Variants in DNAH6 observed in about 807,000 individuals in gnomAD.
The protein encoded by DNAH6 is dynein axonemal heavy chain 6.
Under a neutral mutation model 491.4 loss-of-function variants are expected in DNAH6, and 340 were observed. The observed-to-expected ratio is 0.69, with a 90% CI of 0.63 to 0.76. DNAH6 has a LOEUF of 0.76. DNAH6 is among the 30% of genes least tolerant of loss of function. The pLI, the probability that DNAH6 is intolerant of heterozygous loss-of-function variation, is 0.00. For synonymous variants in DNAH6, 1,603 were observed against 1,686.1 expected (o/e 0.95, Z 1.21); for missense variants, 4,443 against 4,972.2 (o/e 0.89, Z 3.20).
At chr2:84,540,664 C>T (rs1034121276) in intron 4 of DNAH6, among the ~76,000 whole-genome samples, 2 of 151,978 alleles carry the variant, frequency 1.3e-5, no homozygotes, top group Admixed American at 1.3e-4. Flanking sequence ...CCACAAGGGC[C>T]CCAAAATTCT....
At chr2:84,485,825 A>G in the DNAH6 span, among the ~76,000 whole-genome samples, 1 of 150,896 alleles carries the variant, frequency 6.6e-6, no homozygotes, top group African/African-American at 2.4e-5. Flanking sequence ...ACACTAATAC[A>G]CCCCCAACCA....
rs367653119 is a variant in DNAH6, at chr2:84,554,398, T to A, written c.1602+1364T>A. 3.9e-5 allele frequency among the ~76,000 whole-genome samples: 6 copies of A among 152,022 alleles called. No homozygotes were observed. The East Asian group carries it at 1.2e-3, about 30-fold the overall frequency. Reference sequence around the variant, plus strand: ...TACACAGGGGCAGGAATTTTGGGGGTCATCTTAGAATTCTGCCTACTACAT... The same window carrying A: ...TACACAGGGGCAGGAATTTTGGGGGACATCTTAGAATTCTGCCTACTACAT... On this transcript the variant is annotated intron_variant, in intron 10 of 76. Coordinates refer to ENST00000389394, the MANE Select transcript of DNAH6 (RefSeq NM_001370.2).
chr2:84,510,071 A>G, the DNAH6 span, among the ~76,000 whole-genome samples: 27 of 152,228 alleles, frequency 1.8e-4, no homozygotes, highest in African/African-American at 6.5e-4. Flanking sequence ...GCTCTTCTCA[A>G]GGAGTATCTT....
At chr2:84,726,377 C>T (rs1216811672) in intron 60 of DNAH6, among the ~76,000 whole-genome samples, 2 of 152,200 alleles carry the variant, frequency 1.3e-5, no homozygotes, top group African/African-American at 4.8e-5. Context: ...CCCTGAGTCT[C>T]TGCTGCAAGA....
At chr2:84,535,308 G>T (rs1677580704) in intron 4 of DNAH6, among the ~76,000 whole-genome samples, 1 of 151,930 alleles carries the variant, frequency 6.6e-6, no homozygotes, top group Admixed American at 6.6e-5. Flanking sequence ...AGTCAAAAGA[G>T]ATGAGAAATT....
the DNAH6 span, among the ~76,000 whole-genome samples, chr2:84,493,527 G>A: frequency 0.014 from 2,108 of 152,072 alleles, 47 homozygotes; most frequent in African/African-American, 0.049. Flanking sequence ...TATAAAAGAG[G>A]AACTACCTTT....
intron 15 of DNAH6, 57 bp downstream of exon 15, chr2:84,584,307 T>C: frequency 6.5e-7 from 1 of 1,536,348 alleles, no homozygotes; most frequent in Non-Finnish European, 8.9e-7. Flanking sequence ...CTATTACATT[T>C]GTTTATTAAA....
rs182341947 is a variant in DNAH6, at chr2:84,698,802, G to A, written c.7678-792G>A. On this transcript the variant is annotated intron_variant, in intron 47 of 76. Transcript: ENST00000389394. ...GAACCAACTCAGGTGCCCATCAGTG[G>A]TGGATTAGATATAGAAAAAGTGGTA... Among the ~76,000 whole-genome samples, 5 of 152,278 alleles carry A rather than the reference G, an allele frequency of 3.3e-5. No individual in the cohort carries two copies. In the East Asian group the frequency reaches 9.6e-4, roughly 29 times the overall value.
chr2:84,636,015 A>C (rs1465834651), intron 30 of DNAH6, among the ~76,000 whole-genome samples: 3 of 152,054 alleles, frequency 2.0e-5, no homozygotes, highest in East Asian at 1.9e-4. Context: ...AGTCTTGTTA[A>C]TTTTATCTGC....
At chr2:84,544,192 G>T in intron 4 of DNAH6, 41 bp from the exon 5 acceptor site, 1 of 1,086,228 alleles carries the variant, frequency 9.2e-7, no homozygotes, top group South Asian at 2.2e-5. Context: ...ATTTTGTATT[G>T]AATACTTTAT....
At chr2:84,739,531 G>C (rs1036696879) in intron 62 of DNAH6, among the ~76,000 whole-genome samples, 1 of 152,164 alleles carries the variant, frequency 6.6e-6, no homozygotes, top group South Asian at 2.1e-4. Context: ...ATTTCTCAAA[G>C]GCTTTGTTCA....
intron 64 of DNAH6, among the ~76,000 whole-genome samples, chr2:84,770,752 G>A (rs1675522263): frequency 6.6e-6 from 1 of 152,026 alleles, no homozygotes; most frequent in African/African-American, 2.4e-5. Flanking sequence ...GGAGGCCAAG[G>A]TGGAAGGATC....
intron 30 of DNAH6, among the ~76,000 whole-genome samples, chr2:84,636,453 G>T (rs1688884186): frequency 6.6e-6 from 1 of 152,142 alleles, no homozygotes; most frequent in South Asian, 2.1e-4. Context: ...GCACTGTGTG[G>T]TCATGGTTTC....
At chr2:84,516,982 A>G (rs749009243) in intron 1 of DNAH6, among the ~76,000 whole-genome samples, 5 of 152,214 alleles carry the variant, frequency 3.3e-5, no homozygotes, top group Non-Finnish European at 7.3e-5. Context: ...TATGGTAAAT[A>G]AAACATATTA....
Position 84,644,867 on chromosome 2 carries a change from G to A in DNAH6, c.5078+2813G>A, listed in dbSNP as rs189381116. Among the ~76,000 whole-genome samples the A allele has an allele frequency of 3.6e-3, 541 of 152,148 alleles. 1 individual carries two copies. Among genetic ancestry groups the A allele is most frequent in the African/African-American group, 0.012 (488 of 41,516 alleles). On this transcript the variant is annotated intron_variant, in intron 33 of 76. Transcript: ENST00000389394. ...TGATGGGCTTTTAGGTTGGTTACAC[G>A]TCTTTGCTATTTTGAATAATACTGC...
chr2:84,551,032 C>G (rs757589366), intron 9 of DNAH6, among the ~76,000 whole-genome samples: 1 of 152,114 alleles, frequency 6.6e-6, no homozygotes, highest in Non-Finnish European at 1.5e-5. Flanking sequence ...TGCCCTAGCT[C>G]CATCCTTAGT....
At chr2:84,532,969 C>T (rs1477760565) in intron 4 of DNAH6, among the ~76,000 whole-genome samples, 1 of 152,124 alleles carries the variant, frequency 6.6e-6, no homozygotes, top group African/African-American at 2.4e-5. Flanking sequence ...ATGCAGATAT[C>T]AGTGTTTGCT....
chr2:84,650,756 C>T (rs1281828328), intron 33 of DNAH6, among the ~76,000 whole-genome samples: 1 of 152,120 alleles, frequency 6.6e-6, no homozygotes, highest in Non-Finnish European at 1.5e-5. Context: ...ACAGTTTTAA[C>T]GTTTCTCTCA....
At chr2:84,577,441 C>G in intron 13 of DNAH6, 33 bp downstream of exon 13, 2 of 1,450,310 alleles carry the variant, frequency 1.4e-6, no homozygotes, top group Non-Finnish European at 1.9e-6. Flanking sequence ...AATAATTATT[C>G]CTCTACAATT....
Sources: gnomAD v4.1 joint callset for allele counts (sites outside exome capture counted in the v4.1 genomes callset) on GRCh38, gnomAD v4.1.1 for gene constraint, MANE v1.5 for transcripts, NCBI Gene and HGNC (gene_info 2026-07-23, HGNC 2026-07-21) for gene names.